SCAMP1: variants seen among roughly 807,000 people sequenced by gnomAD.
The protein encoded by SCAMP1 is secretory carrier-associated membrane protein 1.
In SCAMP1, 15 loss-of-function variants were observed where a neutral mutation model predicts 41.8. That is an observed-to-expected ratio of 0.36 (90% CI 0.24 to 0.55). SCAMP1 has a LOEUF of 0.55. Ranked by LOEUF, SCAMP1 falls within the 20% of genes least tolerant of loss-of-function variation. The pLI is 0.86. For missense variants in SCAMP1, 341 were observed against 412.6 expected (o/e 0.83, Z 1.50); for synonymous variants, 135 against 136.8 (o/e 0.99, Z 0.09).
intron 8 of SCAMP1, among the ~76,000 whole-genome samples, chr5:78,469,073 G>GA (rs1042311413): frequency 7.2e-5 from 11 of 151,902 alleles, no homozygotes; most frequent in African/African-American, 2.7e-4. Flanking sequence ...AGTTTGGTTG[G>GA]AAAAAAATCA....
intron 7 of SCAMP1, among the ~76,000 whole-genome samples, chr5:78,456,248 G>T (rs1753396391): frequency 6.9e-6 from 1 of 145,226 alleles, no homozygotes; most frequent in Non-Finnish European, 1.5e-5. Context: ...TGGTGATTTT[G>T]CTCGTTAGTT....
At chr5:78,390,831 G>C (rs1751470910) in intron 2 of SCAMP1, among the ~76,000 whole-genome samples, 1 of 151,068 alleles carries the variant, frequency 6.6e-6, no homozygotes, top group South Asian at 2.1e-4. Context: ...CTGGGTGCTT[G>C]AGATTAGGGA....
At chr5:78,445,851 G>T (rs1355555276) in intron 6 of SCAMP1, among the ~76,000 whole-genome samples, 2 of 152,224 alleles carry the variant, frequency 1.3e-5, no homozygotes, top group Non-Finnish European at 2.9e-5. Context: ...GGTAAAGGAA[G>T]ATTTGTGCTC....
intron 2 of SCAMP1, among the ~76,000 whole-genome samples, chr5:78,394,716 C>T (rs1315016647): frequency 6.6e-6 from 1 of 152,148 alleles, no homozygotes; most frequent in Non-Finnish European, 1.5e-5. Flanking sequence ...CTGCTTCTCA[C>T]TGTTTTGTAT....
chr5:78,424,683 G>T (rs1486231793), intron 6 of SCAMP1, among the ~76,000 whole-genome samples: 1 of 152,030 alleles, frequency 6.6e-6, no homozygotes, highest in African/African-American at 2.4e-5. Context: ...TCGTGCTACT[G>T]CACTCCAGCC....
chr5:78,465,834 A>G (rs969753778), intron 8 of SCAMP1, among the ~76,000 whole-genome samples: 5 of 152,210 alleles, frequency 3.3e-5, no homozygotes, highest in African/African-American at 1.2e-4. Flanking sequence ...TCTGGTCCAC[A>G]AGTGGGATTT....
rs779738561 is a variant in SCAMP1, at chr5:78,480,360, C to G, written c.*4692C>G. On this transcript the variant is annotated 3_prime_UTR_variant, in exon 9 of 9. Coordinates refer to ENST00000621999, the MANE Select transcript of SCAMP1 (RefSeq NM_004866.6). ...TTCTAGTTTGTAGAATAATACCATA[C>G]AAGTTTTATTTTTAAATTCTAGTTA... Among the ~76,000 whole-genome samples, 18 of 152,184 alleles carry G rather than the reference C, an allele frequency of 1.2e-4. No individual in the cohort carries two copies. The highest frequency in any genetic ancestry group is 2.4e-4 in the Non-Finnish European group (16 of 68,028).
rs958638275 is a variant in SCAMP1 at position 78,475,023 on chromosome 5, G to A, written c.853-481G>A. 2.6e-5 allele frequency among the ~76,000 whole-genome samples: 4 copies of A among 152,144 alleles called. No homozygotes were observed. The East Asian group carries it at 5.8e-4, about 22-fold the overall frequency. On this transcript the variant is annotated intron_variant, in intron 8 of 8. Coordinates refer to ENST00000621999, the MANE Select transcript of SCAMP1 (RefSeq NM_004866.6). ...GGCAATATGTTGAAGGACATAAGTAGTGCTTGGTACATTAAATGATAAAAT... is the reference window on the plus strand; with the variant it reads ...GGCAATATGTTGAAGGACATAAGTAATGCTTGGTACATTAAATGATAAAAT...
intron 1 of SCAMP1, among the ~76,000 whole-genome samples, chr5:78,377,021 G>C (rs1156446995): frequency 2.6e-5 from 4 of 152,004 alleles, no homozygotes; most frequent in Admixed American, 1.3e-4. Context: ...TGGGGGAAAG[G>C]CTTCCTCCTT....
intron 2 of SCAMP1, among the ~76,000 whole-genome samples, chr5:78,406,171 C>T (rs566236970): frequency 1.3e-5 from 2 of 152,274 alleles, no homozygotes; most frequent in African/African-American, 4.8e-5. Context: ...GTCTAAGAAT[C>T]ACCATGGGGA....
intron 6 of SCAMP1, among the ~76,000 whole-genome samples, chr5:78,447,823 TCTCCC>T (rs1753090558): frequency 3.0e-5 from 1 of 33,082 alleles, no homozygotes; most frequent in African/African-American, 1.2e-4. Context: ...CTCCTCCCCC[TCTCCC>T]TCCCCTCCCT....
chr5:78,474,418 G>C (rs1019739), intron 8 of SCAMP1, among the ~76,000 whole-genome samples: 124,295 of 152,176 alleles, frequency 0.82, 51,410 homozygotes, highest in East Asian at 0.92. Flanking sequence ...TGTCAGTAGA[G>C]TTGGAATGAA....
intron 7 of SCAMP1, among the ~76,000 whole-genome samples, chr5:78,456,341 T>C (rs1753399711): frequency 6.6e-6 from 1 of 152,178 alleles, no homozygotes; most frequent in African/African-American, 2.4e-5. Flanking sequence ...CTTTTCCATG[T>C]TTAGCGTTTC....
chr5:78,465,398 A>G (rs1011188420), intron 8 of SCAMP1, among the ~76,000 whole-genome samples: 17 of 152,298 alleles, frequency 1.1e-4, no homozygotes, highest in Middle Eastern at 3.4e-3. Context: ...GGTGTCCTCA[A>G]CTGTACTCCA....
chr5:78,380,075 C>T (rs1751160292), intron 1 of SCAMP1, among the ~76,000 whole-genome samples: 1 of 152,198 alleles, frequency 6.6e-6, no homozygotes, highest in South Asian at 2.1e-4. Flanking sequence ...TTTGTTTACA[C>T]TCCTCTGCAC....
At chr5:78,396,664 T>C (rs1751658595) in intron 2 of SCAMP1, among the ~76,000 whole-genome samples, 1 of 152,144 alleles carries the variant, frequency 6.6e-6, no homozygotes, top group East Asian at 1.9e-4. Context: ...GAACATGTAT[T>C]GCAGAGAAGC....
chr5:78,391,260 G>A (rs1312036761), intron 2 of SCAMP1, among the ~76,000 whole-genome samples: 3 of 150,888 alleles, frequency 2.0e-5, no homozygotes, highest in African/African-American at 4.9e-5. Context: ...CTCCCGGACG[G>A]GGCAGCTGGC....
chr5:78,369,669 A>T (rs1229350845), intron 1 of SCAMP1, among the ~76,000 whole-genome samples: 1 of 152,216 alleles, frequency 6.6e-6, no homozygotes, highest in Non-Finnish European at 1.5e-5. Context: ...TATTTTTTTA[A>T]AAAAGGCAAT....
At chr5:78,463,693 ATGTATTACAGCTTGCC>A (rs1472310957) in intron 8 of SCAMP1, among the ~76,000 whole-genome samples, 1 of 152,200 alleles carries the variant, frequency 6.6e-6, no homozygotes, top group African/African-American at 2.4e-5. Flanking sequence ...GAGACAGAAA[ATGTATTACAGCTTGCC>A]TGTGGCTTAT....
Sources: gnomAD v4.1 joint callset for allele counts (sites outside exome capture counted in the v4.1 genomes callset) on GRCh38, gnomAD v4.1.1 for gene constraint, MANE v1.5 for transcripts, NCBI Gene and HGNC (gene_info 2026-07-23, HGNC 2026-07-21) for gene names.